The following TFEB variants were observed in gnomAD, a reference collection of about 807,000 sequenced individuals.
The protein encoded by TFEB is transcription factor EB, also known as T-cell transcription factor EB.
TFEB carries 12 observed loss-of-function variants against 48.0 expected under a neutral mutation model. The observed-to-expected ratio is 0.25, with a 90% confidence interval of 0.16 to 0.40. TFEB has a LOEUF of 0.40. Among genes scored for constraint, TFEB ranks in the 10% least tolerant of loss-of-function variants. The probability of loss-of-function intolerance (pLI) is 1.00; values close to 1 mark genes in which losing one functional copy is unlikely to be tolerated. For synonymous variants in TFEB, 244 were observed against 261.4 expected (o/e 0.93, Z 0.64); for missense variants, 509 against 640.3 (o/e 0.79, Z 2.21).
chr6:41,723,313 T>A lies in TFEB; in HGVS notation c.-23+12037A>T. 1 of 460,716 alleles carries A rather than the reference T, an allele frequency of 2.2e-6. No individual in the cohort carries two copies. Among genetic ancestry groups the A allele is most frequent in the Non-Finnish European group, 3.9e-6 (1 of 253,496 alleles). 28.5% of individuals were successfully genotyped at this position (460,716 alleles called of 1,614,324 possible). On this transcript the variant is annotated intron_variant, in intron 1 of 8. Transcript: ENST00000373033. This position sits in a 1 kb window ranked among gnomAD's most constrained non-coding sequence, Gnocchi z 6.0. Reference sequence around the variant, plus strand: ...TGCCAGTGCAGCCTGAGGGGCCTCATCCCTACCCACCCACCTCCCCAAAGA... The same window carrying A: ...TGCCAGTGCAGCCTGAGGGGCCTCAACCCTACCCACCCACCTCCCCAAAGA...
intron 7 of TFEB, chr6:41,686,493 GCC>G: frequency 2.9e-6 from 1 of 340,148 alleles, no homozygotes. Context: ...CAAGACTCCA[GCC>G]CAGCCTACCT....
Position 41,684,322 on chromosome 6 carries a change from A to G in TFEB, c.*277T>C. The G allele has an allele frequency of 2.7e-6, 1 of 364,466 alleles. No individual in the cohort carries two copies. The highest frequency in any genetic ancestry group is 4.9e-6 in the Non-Finnish European group (1 of 203,700). 22.6% of individuals were successfully genotyped at this position (364,466 alleles called of 1,614,324 possible). On this transcript the variant is annotated 3_prime_UTR_variant, in exon 9 of 9. Coordinates refer to ENST00000373033, the MANE Select transcript of TFEB (RefSeq NM_001271944.2). ...ACCAGGCCCTCTTCTCACCTCTAGA[A>G]CACCCTGCCCCTCCCTGCCCCGCGA...
At chr6:41,721,005 C>G (rs1441092908) in intron 1 of TFEB, among the ~76,000 whole-genome samples, 1 of 152,126 alleles carries the variant, frequency 6.6e-6, no homozygotes, top group Non-Finnish European at 1.5e-5. Flanking sequence ...TTCCAGGTAG[C>G]TCTCCAGCCC....
chr6:41,686,170 C>T lies in TFEB; in HGVS notation c.871G>A (p.Asp291Asn). 6.2e-7 allele frequency: 1 copy of T among 1,614,244 alleles called. No homozygotes were observed. Among genetic ancestry groups the T allele is most frequent in the Non-Finnish European group, 8.5e-7 (1 of 1,180,046 alleles). ...TCCAGCTCCCTGGACTTTTGCAGGT[C>T]CTTCTGCATCCTCCGGATGTAATCC... ...SVDYIRRMQK[D>N]LQKSRELENH... Residue 291 changes from aspartate (D) to asparagine (N), a missense_variant, in exon 8 of 9, where the codon GAC (aspartate) becomes AAC (asparagine). By Grantham distance (23) the Asp-to-Asn change is conservative (BLOSUM62 1). This residue lies in a region of TFEB where 62 missense variants were observed against 90.2 expected (regional missense o/e 0.69). Transcript: ENST00000373033.
chr6:41,734,977 T>C lies in TFEB; in HGVS notation c.-23+373A>G. On this transcript the variant is annotated intron_variant, in intron 1 of 8. Transcript: ENST00000373033. The surrounding 1 kb of genome is among the most constrained non-coding windows in gnomAD (Gnocchi z 4.0). ...AGTGGGCGCGGGGCCCGCGCGTCCC[T>C]CAAACTTCTTGCGAGTTCACCATCA... is the stretch of plus-strand genomic sequence containing the variant. 1.0e-6 allele frequency: 1 copy of C among 985,190 alleles called. No homozygotes were observed. Among genetic ancestry groups the C allele is most frequent in the Non-Finnish European group, 1.2e-6 (1 of 829,940 alleles). 61.0% of individuals were successfully genotyped at this position (985,190 alleles called of 1,614,324 possible).
Position 41,735,571 on chromosome 6 carries a change from C to T in TFEB, c.-244G>A, listed in dbSNP as rs570552290. 2.3e-5 allele frequency: 23 copies of T among 984,656 alleles called. No homozygotes were observed. Among genetic ancestry groups the T allele is most frequent in the Non-Finnish European group, 2.5e-5 (21 of 829,682 alleles). The allele number at this position is 984,656 out of a possible 1,614,324, so 61.0% of individuals were successfully genotyped here. On this transcript the variant is annotated 5_prime_UTR_variant, in exon 1 of 9. Coordinates refer to ENST00000373033, the MANE Select transcript of TFEB (RefSeq NM_001271944.2). ...GGCCGCCGCCTCCGCTGTCACCGAGCCCCGCGCCCGGCGCCCGGGCTCCGG... is the reference window on the plus strand; with the variant it reads ...GGCCGCCGCCTCCGCTGTCACCGAGTCCCGCGCCCGGCGCCCGGGCTCCGG...
chr6:41,707,146 G>A (rs1770266778), intron 1 of TFEB, among the ~76,000 whole-genome samples: 2 of 152,146 alleles, frequency 1.3e-5, no homozygotes, highest in South Asian at 4.1e-4. Context: ...GACCCAAGAT[G>A]CTTGAGCTCA....
chr6:41,704,402 C>G (rs1770098222), intron 1 of TFEB, among the ~76,000 whole-genome samples: 1 of 152,252 alleles, frequency 6.6e-6, no homozygotes, highest in Non-Finnish European at 1.5e-5. Context: ...GTAATGCCAC[C>G]TTCCTCAGAG....
intron 1 of TFEB, among the ~76,000 whole-genome samples, chr6:41,719,153 A>C (rs1770869043): frequency 6.6e-6 from 1 of 152,134 alleles, no homozygotes; most frequent in Non-Finnish European, 1.5e-5. Context: ...TGAGGGATCT[A>C]GGTTGCATGC....
intron 1 of TFEB, among the ~76,000 whole-genome samples, chr6:41,729,529 G>A (rs1771365071): frequency 6.6e-6 from 1 of 152,182 alleles, no homozygotes; most frequent in African/African-American, 2.4e-5. Flanking sequence ...CCCAATTATT[G>A]CAATAATGCT....
chr6:41,704,085 CTT>C (rs1770078987), intron 1 of TFEB, among the ~76,000 whole-genome samples: 1 of 152,286 alleles, frequency 6.6e-6, no homozygotes, highest in African/African-American at 2.4e-5. Flanking sequence ...CCCCTCAGCT[CTT>C]GTTTCCTCTA....
At chr6:41,736,106 C>T, upstream of TFEB, 1 of 1,612,572 alleles carries the variant, frequency 6.2e-7, no homozygotes, top group South Asian at 1.1e-5. Context: ...TAGAAGGCAG[C>T]CTGCCCCCAT....
At chr6:41,695,551 T>A (rs563691958) in intron 1 of TFEB, among the ~76,000 whole-genome samples, 1 of 152,248 alleles carries the variant, frequency 6.6e-6, no homozygotes, top group Non-Finnish European at 1.5e-5. Flanking sequence ...GTGAAGGAAC[T>A]CACTCAAGGT....
At chr6:41,705,795 C>A (rs978885711) in intron 1 of TFEB, 3 of 152,256 alleles carry the variant, frequency 2.0e-5, no homozygotes, top group African/African-American at 7.2e-5. Context: ...GAGGGTCAGT[C>A]TGGTCGCAGC....
intron 1 of TFEB, among the ~76,000 whole-genome samples, chr6:41,717,677 A>G (rs987479737): frequency 2.6e-5 from 4 of 152,158 alleles, no homozygotes; most frequent in African/African-American, 7.2e-5. Flanking sequence ...GCTGGGAGCA[A>G]GCAGGAGGGG....
Position 41,734,342 on chromosome 6 carries a change from G to C in TFEB, c.-23+1008C>G. 1.0e-6 allele frequency: 1 copy of C among 984,626 alleles called. No homozygotes were observed. The highest frequency in any genetic ancestry group is 4.7e-5 in the South Asian group (1 of 21,258). 61.0% of individuals were successfully genotyped at this position (984,626 alleles called of 1,614,324 possible). A position where few individuals can be genotyped will look rare whatever the true frequency, so the allele number is the denominator to read the frequency against. The stretch of plus-strand genomic sequence containing the variant: ...GGCGCGGGGCTGGGGCGCGCCAGGC[G>C]GCTGCGGCGCGAACCTGCTCGCGCA... On this transcript the variant is annotated intron_variant, in intron 1 of 8. Transcript: ENST00000373033. This position sits in a 1 kb window ranked among gnomAD's most constrained non-coding sequence, Gnocchi z 4.0.
At chr6:41,712,069 A>G (rs922113583) in intron 1 of TFEB, among the ~76,000 whole-genome samples, 2 of 152,098 alleles carry the variant, frequency 1.3e-5, no homozygotes, top group Admixed American at 6.5e-5. Flanking sequence ...CAATATTTCT[A>G]TCCCCTCCTA....
At chr6:41,696,040 C>T (rs1052454333) in intron 1 of TFEB, among the ~76,000 whole-genome samples, 81 of 152,380 alleles carry the variant, frequency 5.3e-4, no homozygotes, top group African/African-American at 1.7e-3. Flanking sequence ...GGCCAGCAGC[C>T]ACCAAGCATT....
intron 1 of TFEB, among the ~76,000 whole-genome samples, chr6:41,705,482 T>G (rs1770164824): frequency 6.6e-6 from 1 of 152,212 alleles, no homozygotes; most frequent in Non-Finnish European, 1.5e-5. Flanking sequence ...CCGCAAGGCC[T>G]GTGCCCACTC....
Sources: gnomAD v4.1 joint callset for allele counts (sites outside exome capture counted in the v4.1 genomes callset) on GRCh38, gnomAD v4.1.1 for gene constraint, gnomAD v4.1.1 regional missense constraint, Gnocchi (gnomAD v3.1) non-coding constraint, MANE v1.5 for transcripts, NCBI Gene and HGNC (gene_info 2026-07-23, HGNC 2026-07-21) for gene names.